Variants in CPNE4 observed in about 807,000 individuals in gnomAD.
The protein encoded by CPNE4 is copine-4.
Under a neutral mutation model 67.9 loss-of-function variants are expected in CPNE4, and 25 were observed. The observed-to-expected ratio is 0.37, with a 90% CI of 0.27 to 0.51. The LOEUF is 0.51. CPNE4 is among the 20% of genes least tolerant of loss of function. CPNE4 has a pLI of 0.93. For synonymous variants in CPNE4, 242 were observed against 244.9 expected, an observed-to-expected ratio of 0.99 and a Z score of 0.11; for missense variants, 464 against 690.8, an observed-to-expected ratio of 0.67 and a Z score of 3.68.
chr3:131,896,961 G>C (rs73206046), intron 2 of CPNE4, among the ~76,000 whole-genome samples: 11,485 of 152,046 alleles, frequency 0.076, 585 homozygotes, highest in East Asian at 0.17. Flanking sequence ...TTAAAGACAG[G>C]CTTAATAGAA....
At chr3:131,625,134 T>C (rs2079042696) in intron 7 of CPNE4, among the ~76,000 whole-genome samples, 1 of 152,120 alleles carries the variant, frequency 6.6e-6, no homozygotes, top group Admixed American at 6.6e-5. Flanking sequence ...ATATAACTTA[T>C]CCAACTCCTC....
chr3:131,886,164 C>CGT (rs2087882128), intron 2 of CPNE4, among the ~76,000 whole-genome samples: 1 of 152,312 alleles, frequency 6.6e-6, no homozygotes, highest in African/African-American at 2.4e-5. Flanking sequence ...CAAGCTGAGC[C>CGT]GTGTGCAGCC....
In CPNE4 at chr3:131,978,478, A is replaced by T. The variant is rs868424355; in HGVS notation, c.-2+56089T>A. On this transcript the variant is annotated intron_variant, in intron 1 of 15. Coordinates refer to ENST00000429747, the MANE Select transcript of CPNE4 (RefSeq NM_130808.3). The stretch of plus-strand genomic sequence containing the variant: ...TATATTTATATATATTTATATATTT[A>T]TATATATTTATATATATTTATATAT... Among the ~76,000 whole-genome samples, 34 of 50,324 alleles carry T rather than the reference A, an allele frequency of 6.8e-4. 8 individuals are homozygous for T. The highest frequency in any genetic ancestry group is 3.4e-3 in the African/African-American group (29 of 8,588). The allele number at this position is 50,324 out of a possible 152,430, so 33.0% of individuals were successfully genotyped here. A position where few individuals can be genotyped will look rare whatever the true frequency, so the allele number is the denominator to read the frequency against.
intron 1 of CPNE4, among the ~76,000 whole-genome samples, chr3:131,939,550 G>A (rs2071328997): frequency 6.6e-6 from 1 of 151,956 alleles, no homozygotes; most frequent in East Asian, 1.9e-4. Flanking sequence ...GTTTGCCTAA[G>A]ATTATCCTGA....
intron 2 of CPNE4, among the ~76,000 whole-genome samples, chr3:131,727,863 T>C (rs2082037310): frequency 6.6e-6 from 1 of 152,220 alleles, no homozygotes; most frequent in African/African-American, 2.4e-5. Context: ...ATCTGTGGTC[T>C]TTTATTGTCT....
chr3:131,843,919 T>C lies in CPNE4; in HGVS notation c.180+61345A>G, dbSNP rs550107870. The stretch of plus-strand genomic sequence containing the variant: ...AACCTTTACAAAGAGCATGGATTTC[T>C]TCTCCCTGACTTGGTCTAAATATGG... On this transcript the variant is annotated intron_variant, in intron 2 of 15. Coordinates refer to ENST00000429747, the MANE Select transcript of CPNE4 (RefSeq NM_130808.3). Among the ~76,000 whole-genome samples, 24 of 152,300 alleles carry C rather than the reference T, an allele frequency of 1.6e-4. No individual in the cohort carries two copies. In the South Asian group the frequency reaches 5.0e-3, roughly 32 times the overall value.
intron 2 of CPNE4, among the ~76,000 whole-genome samples, chr3:131,860,052 A>G (rs1266058102): frequency 6.6e-6 from 1 of 152,144 alleles, no homozygotes; most frequent in Non-Finnish European, 1.5e-5. Flanking sequence ...CCTAGGTTTT[A>G]TCTTATACAT....
intron 2 of CPNE4, among the ~76,000 whole-genome samples, chr3:131,831,515 A>G (rs1396573792): frequency 1.3e-5 from 2 of 152,158 alleles, no homozygotes; most frequent in African/African-American, 4.8e-5. Flanking sequence ...AAAACTAAAA[A>G]ATTTATTAAA....
intron 10 of CPNE4, among the ~76,000 whole-genome samples, chr3:131,572,650 T>C (rs763776170): frequency 5.9e-5 from 9 of 151,950 alleles, no homozygotes; most frequent in African/African-American, 9.7e-5. Flanking sequence ...TCCAGAACTT[T>C]ATGTCACCTC....
At chr3:132,020,557 A>G (rs1156232368) in intron 1 of CPNE4, among the ~76,000 whole-genome samples, 2 of 152,204 alleles carry the variant, frequency 1.3e-5, no homozygotes, top group African/African-American at 4.8e-5. Flanking sequence ...TACCTTAATC[A>G]TATCATAAAG....
chr3:131,996,519 G>A (rs998060434), intron 1 of CPNE4, among the ~76,000 whole-genome samples: 8 of 151,148 alleles, frequency 5.3e-5, no homozygotes, highest in Non-Finnish European at 1.2e-4. Context: ...GGGAGAGAGA[G>A]TCCACGATAG....
chr3:131,777,520 G>C (rs1195602147), intron 2 of CPNE4, among the ~76,000 whole-genome samples: 1 of 151,892 alleles, frequency 6.6e-6, no homozygotes, highest in Non-Finnish European at 1.5e-5. Flanking sequence ...GCTGGAGGAT[G>C]ATCACATTGG....
intron 2 of CPNE4, among the ~76,000 whole-genome samples, chr3:131,880,485 A>T (rs970784604): frequency 6.6e-6 from 1 of 152,194 alleles, no homozygotes; most frequent in Non-Finnish European, 1.5e-5. Flanking sequence ...CAAAATTGAA[A>T]ATGATGACTT....
intron 1 of CPNE4, among the ~76,000 whole-genome samples, chr3:132,023,001 T>C (rs1193946299): frequency 6.6e-6 from 1 of 152,196 alleles, no homozygotes; most frequent in African/African-American, 2.4e-5. Context: ...AACTTAATGA[T>C]GCTATAAAGC....
chr3:131,555,429 G>A (rs1211320523), intron 12 of CPNE4, 68 bp downstream of exon 12: 20 of 1,411,230 alleles, frequency 1.4e-5, no homozygotes, highest in Non-Finnish European at 1.8e-5. Context: ...TGAGACTGCT[G>A]CAAAGAAGAG....
intron 2 of CPNE4, among the ~76,000 whole-genome samples, chr3:131,792,911 G>GTA (rs2083813788): frequency 1.1e-5 from 1 of 90,596 alleles, no homozygotes; most frequent in African/African-American, 4.0e-5. Context: ...GTGTGTGTGT[G>GTA]TGTGTGTGTG....
chr3:131,986,519 G>T (rs1248420189), intron 1 of CPNE4, among the ~76,000 whole-genome samples: 1 of 152,160 alleles, frequency 6.6e-6, no homozygotes, highest in Non-Finnish European at 1.5e-5. Context: ...AGGCAAATCT[G>T]CTCTAGGCAA....
chr3:131,799,300 T>G (rs917789991), intron 2 of CPNE4, among the ~76,000 whole-genome samples: 2 of 152,128 alleles, frequency 1.3e-5, no homozygotes, highest in African/African-American at 2.4e-5. Flanking sequence ...AACAGAGCTG[T>G]GATACTAAAT....
chr3:131,855,375 G>A (rs2086399926), intron 2 of CPNE4, among the ~76,000 whole-genome samples: 1 of 151,928 alleles, frequency 6.6e-6, no homozygotes, highest in Non-Finnish European at 1.5e-5. Flanking sequence ...TGACAGAGAG[G>A]GAACAAAAGC....
Sources: gnomAD v4.1 joint callset for allele counts (sites outside exome capture counted in the v4.1 genomes callset) on GRCh38, gnomAD v4.1.1 for gene constraint, MANE v1.5 for transcripts, NCBI Gene and HGNC (gene_info 2026-07-23, HGNC 2026-07-21) for gene names.